Variants in E4F1 observed in about 807,000 individuals in gnomAD.
E4F1 encodes transcription factor E4F1.
In E4F1, 30 loss-of-function variants were observed where a neutral mutation model predicts 72.9. That is an observed-to-expected ratio of 0.41 (90% CI 0.31 to 0.56). E4F1 has a LOEUF of 0.56. Ranked by LOEUF, E4F1 falls within the 20% of genes least tolerant of loss-of-function variation. The pLI is 0.25. For missense variants in E4F1, 1,091 were observed against 1,117.5 expected, an observed-to-expected ratio of 0.98 and a Z score of 0.34; for synonymous variants, 542 against 478.2, an observed-to-expected ratio of 1.13 and a Z score of -1.74.
At chr16:2,226,495 G>A (rs892774085) in intron 1 of E4F1, among the ~76,000 whole-genome samples, 1 of 152,252 alleles carries the variant, frequency 6.6e-6, no homozygotes, top group African/African-American at 2.4e-5. Flanking sequence ...AGTCATAGCT[G>A]TGGTTTGGCC....
At position 2,233,656 on chromosome 16, in the gene E4F1, C is replaced by T. The variant is rs772909148; in HGVS notation, c.1266+9C>T. On this transcript the variant is annotated intron_variant, in intron 8 of 13. Transcript: ENST00000301727. ...TGCAGCCGCTGGAGACAGTAGGTGCCAGCACCACCTGCGGGCTCCTCCCAG... is the reference window on the plus strand; with the variant it reads ...TGCAGCCGCTGGAGACAGTAGGTGCTAGCACCACCTGCGGGCTCCTCCCAG... 4.4e-5 allele frequency: 67 copies of T among 1,525,344 alleles called. No individual in the cohort carries two copies. The highest frequency in any genetic ancestry group is 5.9e-5 in the Non-Finnish European group (67 of 1,137,164). 94.5% of individuals were successfully genotyped at this position (1,525,344 alleles called of 1,614,324 possible). A position where few individuals can be genotyped will look rare whatever the true frequency, so the allele number is the denominator to read the frequency against.
chr16:2,227,555 G>T (rs1011880460), intron 1 of E4F1, among the ~76,000 whole-genome samples: 12 of 152,108 alleles, frequency 7.9e-5, no homozygotes, highest in Admixed American at 7.9e-4. Flanking sequence ...TGCATTTTTA[G>T]TAGAGACGGG....
chr16:2,223,911 C>A (rs912526441), intron 1 of E4F1, 141 bp downstream of exon 1: 33 of 1,531,374 alleles, frequency 2.2e-5, no homozygotes, highest in Non-Finnish European at 1.4e-5. Flanking sequence ...ACCCTCACAG[C>A]CCTCCACGAA....
Position 2,235,420 on chromosome 16 carries a change from A to G in E4F1, c.2203A>G (p.Thr735Ala), listed in dbSNP as rs1244817679. 4 of 1,612,370 alleles carry G rather than the reference A, an allele frequency of 2.5e-6. No homozygotes were observed. Among genetic ancestry groups the G allele is most frequent in the Middle Eastern group, 1.6e-4 (1 of 6,062 alleles). ...MTLASAISEG[T>A]VLAARAGTSG... The stretch of plus-strand genomic sequence containing the variant: ...GCTGGCCTCGGCCATCAGCGAGGGC[A>G]CTGTGCTTGCCGCCCGGGCAGGGAC... The change falls in exon 14 of 14, where the codon ACT (threonine) becomes GCT (alanine). Residue 735 changes from threonine to alanine, a missense_variant. Thr to Ala is a moderately conservative substitution (Grantham distance 58, BLOSUM62 0). Around this residue, in one of 5 missense-constraint regions of E4F1, gnomAD observed 622 missense variants for 628.0 expected, o/e 0.99. Transcript: ENST00000301727.
At chr16:2,233,812 T>C (rs1206768393) in intron 8 of E4F1, 70 bp from the exon 9 acceptor site, 1 of 1,449,552 alleles carries the variant, frequency 6.9e-7, no homozygotes, top group Admixed American at 2.2e-5. Flanking sequence ...GTGGGGCCCA[T>C]GGTTGTGTTC....
rs766241828 is a variant in E4F1 at position 2,235,584 on chromosome 16, C to T, written c.*12C>T. The stretch of plus-strand genomic sequence containing the variant: ...CGGTCATCGTCTAGCATGAGGTCTG[C>T]GGGGTCCTGGCCGGGCAGGGACAGG... On this transcript the variant is annotated 3_prime_UTR_variant, in exon 14 of 14. Transcript: ENST00000301727. 1.3e-5 allele frequency: 21 copies of T among 1,572,532 alleles called. No individual in the cohort carries two copies. The Admixed American group carries it at 1.4e-4, about 10-fold the overall frequency.
At chr16:2,228,573 G>A (rs753257858) in intron 2 of E4F1, 50 bp downstream of exon 2, 3 of 1,589,216 alleles carry the variant, frequency 1.9e-6, no homozygotes, top group African/African-American at 1.3e-5. Context: ...CCTGACAGGT[G>A]GGGGAGGTGG....
At position 2,233,471 on chromosome 16, in the gene E4F1, G is replaced by A. The variant is rs1216693998; in HGVS notation, c.1090G>A (p.Glu364Lys). Residue 364 changes from glutamate (E) to lysine (K), a missense_variant, in exon 8 of 14, where the codon GAG (glutamate) becomes AAG (lysine). Physicochemically the swap from Glu to Lys is moderately conservative, Grantham distance 56. Around this residue, in one of 5 missense-constraint regions of E4F1, gnomAD observed 622 missense variants for 628.0 expected, o/e 0.99. Coordinates refer to ENST00000301727, the MANE Select transcript of E4F1 (RefSeq NM_004424.5). ...CTCCCAGGAGCTCCCCTGCTCCAGC[G>A]AGGGCAGCCGTGAGAACCTGCTGCA... is the stretch of plus-strand genomic sequence containing the variant. ...PVSQELPCSS[E>K]GSRENLLHQA... 11 of 1,505,300 alleles carry A rather than the reference G, an allele frequency of 7.3e-6. No homozygotes were observed. Among genetic ancestry groups the A allele is most frequent in the Middle Eastern group, 1.8e-4 (1 of 5,518 alleles). The allele number at this position is 1,505,300 out of a possible 1,614,324, so 93.2% of individuals were successfully genotyped here.
At chr16:2,224,985 G>GGT (rs2093422984) in intron 1 of E4F1, among the ~76,000 whole-genome samples, 1 of 151,014 alleles carries the variant, frequency 6.6e-6, no homozygotes, top group Non-Finnish European at 1.5e-5. Flanking sequence ...GGCCAAGGTG[G>GGT]GTGGATCACC....
At chr16:2,228,943 G>A (rs1321550720) in intron 2 of E4F1, among the ~76,000 whole-genome samples, 2 of 152,228 alleles carry the variant, frequency 1.3e-5, no homozygotes, top group African/African-American at 4.8e-5. Context: ...CACCTTTGCT[G>A]AGCCCCACGC....
intron 4 of E4F1, 39 bp downstream of exon 4, chr16:2,232,403 GCCCCCT>G (rs761246977): frequency 6.7e-5 from 107 of 1,602,244 alleles, no homozygotes; most frequent in Middle Eastern, 1.7e-4. Flanking sequence ...TGGGTGGCAG[GCCCCCT>G]CCTGTTCCCC....
chr16:2,229,504 C>T (rs1233802948), intron 2 of E4F1, 66 bp from the exon 3 acceptor site: 1 of 1,517,222 alleles, frequency 6.6e-7, no homozygotes, highest in East Asian at 2.3e-5. Context: ...AGAGCCCAGG[C>T]CTCTTCTCTG....
chr16:2,226,166 C>A (rs570201178), intron 1 of E4F1, among the ~76,000 whole-genome samples: 45 of 152,202 alleles, frequency 3.0e-4, no homozygotes, highest in African/African-American at 1.1e-3. Context: ...TGAGGGTGGT[C>A]TTGTCTTTGT....
Position 2,233,959 on chromosome 16 carries a change from C to T in E4F1, c.1344C>T (p.Ala448=), listed in dbSNP as rs1193199326. ...PQCSETFPTA[A]TLEAHKRGHT... is the part of the protein sequence containing the mutation. ...GCAGTGAGACCTTCCCGACAGCAGCCACCCTGGAGGCCCACAAGAGGGGCC... is the reference window on the plus strand; with the variant it reads ...GCAGTGAGACCTTCCCGACAGCAGCTACCCTGGAGGCCCACAAGAGGGGCC... Residue 448 remains alanine (A), a synonymous_variant, in exon 9 of 14, where the codon GCC becomes GCT. Transcript: ENST00000301727. 6.3e-6 allele frequency: 10 copies of T among 1,599,810 alleles called. No individual in the cohort carries two copies. Among genetic ancestry groups the T allele is most frequent in the African/African-American group, 1.3e-5 (1 of 74,772 alleles).
At chr16:2,232,094 C>T in intron 3 of E4F1, 77 bp from the exon 4 acceptor site, 2 of 1,566,448 alleles carry the variant, frequency 1.3e-6, no homozygotes, top group Non-Finnish European at 1.7e-6. Context: ...AGCAGGTCCC[C>T]TCCCCTGGAG....
chr16:2,231,573 A>G (rs1426870980), intron 3 of E4F1: 2 of 153,530 alleles, frequency 1.3e-5, no homozygotes, highest in Non-Finnish European at 2.9e-5. Context: ...AGCTTTGCAC[A>G]TTGTCAGATT....
At chr16:2,224,497 G>C (rs1025828919) in intron 1 of E4F1, among the ~76,000 whole-genome samples, 1 of 152,250 alleles carries the variant, frequency 6.6e-6, no homozygotes, top group African/African-American at 2.4e-5. Context: ...AGACCTGAAA[G>C]TGACCGGGTG....
chr16:2,228,001 A>G (rs1176339575), intron 1 of E4F1, among the ~76,000 whole-genome samples: 3 of 152,006 alleles, frequency 2.0e-5, no homozygotes, highest in Non-Finnish European at 2.9e-5. Context: ...CTGTCCCCAA[A>G]TTAGCATGGA....
intron 1 of E4F1, chr16:2,223,996 C>G: frequency 6.8e-7 from 1 of 1,467,746 alleles, no homozygotes; most frequent in Admixed American, 2.3e-5. Context: ...GGTGTGCGTC[C>G]ACAAGTGCTC....
Sources: gnomAD v4.1 joint callset for allele counts (sites outside exome capture counted in the v4.1 genomes callset) on GRCh38, gnomAD v4.1.1 for gene constraint, gnomAD v4.1.1 regional missense constraint, MANE v1.5 for transcripts, NCBI Gene and HGNC (gene_info 2026-07-23, HGNC 2026-07-21) for gene names.